The following ZNF236 variants were observed in gnomAD, a reference collection of about 807,000 sequenced individuals.
The protein encoded by ZNF236 is regulated by glucose.
Under a neutral mutation model 191.2 loss-of-function variants are expected in ZNF236, and 50 were observed. The observed-to-expected ratio is 0.26, with a 90% CI of 0.21 to 0.33. The LOEUF (loss-of-function observed/expected upper bound fraction) is 0.33. ZNF236 is among the 10% of genes least tolerant of loss of function. The pLI, the probability that ZNF236 is intolerant of heterozygous loss-of-function variation, is 1.00. For synonymous variants in ZNF236, 907 were observed against 928.8 expected (o/e 0.98, Z 0.43); for missense variants, 1,754 against 2,374.5 (o/e 0.74, Z 5.43).
At chr18:76,866,145 A>C (rs1568202540) in intron 3 of ZNF236, among the ~76,000 whole-genome samples, 1 of 152,224 alleles carries the variant, frequency 6.6e-6, no homozygotes, top group African/African-American at 2.4e-5. Flanking sequence ...GGTGTTACAG[A>C]ATGTTTGGAG....
At chr18:76,892,182 T>TTA (rs1332346642) in intron 9 of ZNF236, among the ~76,000 whole-genome samples, 1 of 146,570 alleles carries the variant, frequency 6.8e-6, no homozygotes, top group Non-Finnish European at 1.5e-5. Context: ...TTTTTTTTTT[T>TTA]TTTTTTTGTA....
Position 76,942,091 on chromosome 18 carries a change from T to C in ZNF236, c.4782+4748T>C, listed in dbSNP as rs534687811. Among the ~76,000 whole-genome samples the C allele has an allele frequency of 4.6e-5, 7 of 152,306 alleles. No individual in the cohort carries two copies. In the South Asian group the frequency reaches 1.4e-3, roughly 32 times the overall value. ...AAATTAGAAGGTGGTCAAGAGAAAT[T>C]AACCGGTGTCTAATGATGATTGTTC... On this transcript the variant is annotated intron_variant, in intron 26 of 30. Coordinates refer to ENST00000320610, the MANE Select transcript of ZNF236 (RefSeq NM_001306089.2).
rs1176433355 is a variant in ZNF236 at position 76,867,290 on chromosome 18, C to A, written c.364-1395C>A. On this transcript the variant is annotated intron_variant, in intron 3 of 30. Coordinates refer to ENST00000320610, the MANE Select transcript of ZNF236 (RefSeq NM_001306089.2). ...TTTTTTTGTGGGGAGTTTCCTAGAA[C>A]AAATTTTCTTTTATCAACAAGTCAC... Among the ~76,000 whole-genome samples the A allele has an allele frequency of 2.0e-5, 3 of 147,050 alleles. No homozygotes were observed. In the East Asian group the frequency reaches 6.2e-4, roughly 30 times the overall value.
chr18:76,935,950 A>G (rs373993479), intron 25 of ZNF236: 2 of 456,544 alleles, frequency 4.4e-6, no homozygotes, highest in Non-Finnish European at 4.4e-6. Flanking sequence ...CGAGCCTCCC[A>G]GCCTGCTAAT....
At chr18:76,962,636 A>G (rs1477303664) in intron 30 of ZNF236, among the ~76,000 whole-genome samples, 17 of 152,088 alleles carry the variant, frequency 1.1e-4, no homozygotes, top group Admixed American at 2.6e-4. Flanking sequence ...GAATTTGTAG[A>G]TTGCTTTTGG....
At chr18:76,908,635 T>C in intron 14 of ZNF236, 62 bp downstream of exon 14, 8 of 1,546,760 alleles carry the variant, frequency 5.2e-6, no homozygotes, top group Non-Finnish European at 7.0e-6. Flanking sequence ...CCTTTCCCAC[T>C]CATTGCAGTC....
chr18:76,932,913 G>A (rs540475093), intron 25 of ZNF236, among the ~76,000 whole-genome samples: 1 of 152,322 alleles, frequency 6.6e-6, no homozygotes, highest in South Asian at 2.1e-4. Flanking sequence ...CTAGCTGCCC[G>A]CGTTTCTTTA....
chr18:76,947,387 TG>T, intron 26 of ZNF236, 133 bp from the exon 27 acceptor site: 1 of 1,062,318 alleles, frequency 9.4e-7, no homozygotes, highest in Non-Finnish European at 1.3e-6. Context: ...CTGGGTTACA[TG>T]GTGACTCCAC....
chr18:76,917,751 G>C lies in ZNF236; in HGVS notation c.3274+1892G>C, dbSNP rs8098559. On this transcript the variant is annotated intron_variant, in intron 19 of 30. Coordinates refer to ENST00000320610, the MANE Select transcript of ZNF236 (RefSeq NM_001306089.2). ...CTCAGTTCGTTAAAGAATGTTAACAGAGTTACCTCCTTATTTCCTCATGTG... is the reference window on the plus strand; with the variant it reads ...CTCAGTTCGTTAAAGAATGTTAACACAGTTACCTCCTTATTTCCTCATGTG... 1.5e-3 allele frequency among the ~76,000 whole-genome samples: 229 copies of C among 152,286 alleles called. 1 individual carries two copies. The highest frequency in any genetic ancestry group is 5.0e-3 in the African/African-American group (209 of 41,560).
rs753530097 is a variant in ZNF236 at position 76,908,361 on chromosome 18, C to T, written c.2339C>T (p.Ala780Val). The T allele has an allele frequency of 8.7e-6, 14 of 1,614,008 alleles. No homozygotes were observed. The Admixed American group carries it at 1.0e-4, about 12-fold the overall frequency. The change falls in exon 14 of 31, where the codon GCC (alanine) becomes GTC (valine). Residue 780 changes from alanine (A) to valine (V), a missense_variant. This residue lies in a region of ZNF236 where 641 missense variants were observed against 869.6 expected (regional missense o/e 0.74). Coordinates refer to ENST00000320610, the MANE Select transcript of ZNF236 (RefSeq NM_001306089.2). ...AQQLQQHQQA[A>V]SIDDSTVDQQ... ...CAGCTCCAACAGCATCAGCAGGCAGCCTCGATAGATGACAGCACTGTAGAC... is the reference window on the plus strand; with the variant it reads ...CAGCTCCAACAGCATCAGCAGGCAGTCTCGATAGATGACAGCACTGTAGAC...
At chr18:76,920,104 G>A (rs753880462) in intron 20 of ZNF236, 46 bp downstream of exon 20, 61 of 1,567,678 alleles carry the variant, frequency 3.9e-5, no homozygotes, top group Non-Finnish European at 5.0e-5. Flanking sequence ...GAAGACTGGA[G>A]GTGCAGGCAG....
At chr18:76,907,335 G>A (rs1977771149) in intron 13 of ZNF236, among the ~76,000 whole-genome samples, 2 of 152,278 alleles carry the variant, frequency 1.3e-5, no homozygotes, top group South Asian at 2.1e-4. Flanking sequence ...GGGACCAGGC[G>A]GCTCTTTTTT....
At chr18:76,923,742 A>G (rs1274587633) in intron 21 of ZNF236, among the ~76,000 whole-genome samples, 2 of 152,126 alleles carry the variant, frequency 1.3e-5, no homozygotes, top group Admixed American at 1.3e-4. Context: ...CTGTGGTCCT[A>G]GACAAGGTTC....
Position 76,968,279 on chromosome 18 carries a change from C to T in ZNF236, c.5484C>T (p.His1828=), listed in dbSNP as rs765250218. 9 of 1,611,316 alleles carry T rather than the reference C, an allele frequency of 5.6e-6. No individual in the cohort carries two copies. Among genetic ancestry groups the T allele is most frequent in the Non-Finnish European group, 7.6e-6 (9 of 1,179,266 alleles). ...GGGAGGAGCTGAGCCGGACCCTCCA[C>T]CTGGAGGAGGTGGTGCAGGAGGCCG... ...QDGEELSRTL[H]LEEVVQEAAG... The change falls in exon 31 of 31, where the codon CAC becomes CAT. Residue 1828 remains histidine, a synonymous_variant. Coordinates refer to ENST00000320610, the MANE Select transcript of ZNF236 (RefSeq NM_001306089.2).
At chr18:76,901,726 C>T (rs1403622678) in intron 11 of ZNF236, among the ~76,000 whole-genome samples, 1 of 151,904 alleles carries the variant, frequency 6.6e-6, no homozygotes, top group African/African-American at 2.4e-5. Flanking sequence ...CCACTGGACT[C>T]CAGCCTGGGG....
intron 26 of ZNF236, among the ~76,000 whole-genome samples, chr18:76,937,873 A>C (rs1472717465): frequency 6.6e-6 from 1 of 152,214 alleles, no homozygotes; most frequent in Non-Finnish European, 1.5e-5. Flanking sequence ...AAAACCTTTC[A>C]GACTTTAATT....
chr18:76,840,281 G>A (rs553529111), intron 1 of ZNF236, among the ~76,000 whole-genome samples: 6 of 152,216 alleles, frequency 3.9e-5, no homozygotes, highest in Admixed American at 3.9e-4. Context: ...GATCACCTGA[G>A]GTTGGGAGTT....
intron 1 of ZNF236, among the ~76,000 whole-genome samples, chr18:76,839,587 T>C (rs1975422782): frequency 6.6e-6 from 1 of 152,200 alleles, no homozygotes; most frequent in Non-Finnish European, 1.5e-5. Context: ...TCACAGCTCT[T>C]GGCAGGAATG....
chr18:76,852,171 A>T (rs1241483841), intron 3 of ZNF236, among the ~76,000 whole-genome samples: 1 of 152,222 alleles, frequency 6.6e-6, no homozygotes, highest in African/African-American at 2.4e-5. Flanking sequence ...TATTTGAAGG[A>T]TCAAAGTATA....
Sources: allele counts gnomAD v4.1 joint callset (sites outside exome capture counted in the v4.1 genomes callset), GRCh38; gene constraint gnomAD v4.1.1; regional missense constraint gnomAD v4.1.1; transcripts MANE v1.5; gene names NCBI Gene and HGNC (gene_info 2026-07-23, HGNC 2026-07-21).